Variants in S100A13 observed in about 807,000 individuals in gnomAD.
S100A13 encodes protein S100-A13.
In S100A13, 6 loss-of-function variants were observed where a neutral mutation model predicts 8.2. The observed-to-expected ratio is 0.73, with a 90% CI of 0.40 to 1.44. The LOEUF (loss-of-function observed/expected upper bound fraction) is 1.44. S100A13 is among the 40% of genes most tolerant of loss of function. The pLI is 0.02. For missense variants in S100A13, 114 were observed against 113.6 expected (o/e 1.00, Z -0.02); for synonymous variants, 39 against 45.9 (o/e 0.85, Z 0.61).
chr1:153,627,148 G>A (rs1197263105), intron 1 of S100A13: 1 of 152,318 alleles, frequency 6.6e-6, no homozygotes, highest in Non-Finnish European at 1.5e-5. Flanking sequence ...CCTCTCCTCA[G>A]CGGCAGCAGG....
At chr1:153,631,067 T>C (rs547904235), upstream of S100A13, 137 of 294,006 alleles carry the variant, frequency 4.7e-4, no homozygotes, top group African/African-American at 2.6e-3. Flanking sequence ...TGGATTTCCA[T>C]TGGAAGATTA....
At position 153,621,567 on chromosome 1, in the gene S100A13, G is replaced by A. The variant is rs187396120; in HGVS notation, c.154-2529C>T. 1.5e-3 allele frequency among the ~76,000 whole-genome samples: 231 copies of A among 151,790 alleles called. 1 individual carries two copies. Among genetic ancestry groups the A allele is most frequent in the African/African-American group, 5.3e-3 (218 of 41,468 alleles). On this transcript the variant is annotated intron_variant, in intron 2 of 2. Coordinates refer to ENST00000476133, the MANE Select transcript of S100A13 (RefSeq NM_001024211.2). Reference sequence around the variant, plus strand: ...GCGGGTGGATAACTCGAGGTCAGGCGTTCAAGACCAGCCTGGCCAACGTGA... The same window carrying A: ...GCGGGTGGATAACTCGAGGTCAGGCATTCAAGACCAGCCTGGCCAACGTGA...
At chr1:153,625,759 G>A (rs1289912442) in intron 2 of S100A13, among the ~76,000 whole-genome samples, 2 of 152,236 alleles carry the variant, frequency 1.3e-5, no homozygotes, top group Non-Finnish European at 2.9e-5. Context: ...GCATACACAA[G>A]AACCCAACAG....
intron 2 of S100A13, among the ~76,000 whole-genome samples, chr1:153,622,009 G>A (rs1667290908): frequency 6.6e-6 from 1 of 152,098 alleles, no homozygotes; most frequent in Non-Finnish European, 1.5e-5. Context: ...CACAGGCATC[G>A]CATGAAGTGT....
intron 2 of S100A13, among the ~76,000 whole-genome samples, chr1:153,621,544 G>A (rs1248752434): frequency 1.3e-5 from 2 of 151,544 alleles, no homozygotes; most frequent in Admixed American, 6.6e-5. Context: ...AGGCCAAGGC[G>A]GGTGGATAAC....
In S100A13 at chr1:153,619,058, A is replaced by G; in HGVS notation, c.154-20T>C. On this transcript the variant is annotated intron_variant, in intron 2 of 2. Coordinates refer to ENST00000476133, the MANE Select transcript of S100A13 (RefSeq NM_001024211.2). ...CACATCCTGAGGAGACACCAAAGGG[A>G]AGGGTAGAGTTAGAAACTGGGGTTC... The G allele has an allele frequency of 6.2e-7, 1 of 1,609,560 alleles. No homozygotes were observed. The highest frequency in any genetic ancestry group is 8.5e-7 in the Non-Finnish European group (1 of 1,177,344).
At chr1:153,627,722 CGTT>C, upstream of S100A13, 1 of 229,702 alleles carries the variant, frequency 4.4e-6, no homozygotes, top group Non-Finnish European at 8.6e-6. Context: ...GGACAGATCT[CGTT>C]CGGCAGGGGT....
upstream of S100A13, chr1:153,630,718 T>A (rs1571302085): frequency 6.3e-7 from 1 of 1,593,542 alleles, no homozygotes; most frequent in Non-Finnish European, 8.6e-7. Flanking sequence ...GGGAATGGGG[T>A]GGACACCCCC....
chr1:153,619,957 C>T (rs918188897), intron 2 of S100A13, among the ~76,000 whole-genome samples: 1 of 152,122 alleles, frequency 6.6e-6, no homozygotes, highest in Non-Finnish European at 1.5e-5. Context: ...ATTGGGGGTG[C>T]ATTCAATCAG....
upstream of S100A13, chr1:153,630,641 G>A (rs372134322): frequency 1.7e-5 from 27 of 1,614,100 alleles, no homozygotes; most frequent in African/African-American, 9.3e-5. Context: ...TGCTGCAGAC[G>A]GAGCTCTCTG....
chr1:153,627,787 TC>T (rs1667758571), upstream of S100A13: 1 of 428,440 alleles, frequency 2.3e-6, no homozygotes, highest in Non-Finnish European at 4.2e-6. Context: ...CATACCCATG[TC>T]TAATCAGGAG....
intron 2 of S100A13, among the ~76,000 whole-genome samples, chr1:153,619,715 T>C (rs1440157407): frequency 6.6e-6 from 1 of 152,190 alleles, no homozygotes; most frequent in African/African-American, 2.4e-5. Context: ...AGTTGACTGT[T>C]GAACAATAGT....
At chr1:153,633,503 G>C (rs1438379919), upstream of S100A13, among the ~76,000 whole-genome samples, 1 of 152,068 alleles carries the variant, frequency 6.6e-6, no homozygotes, top group Non-Finnish European at 1.5e-5. Context: ...CAGTATCTAG[G>C]CCAAGTTGGG....
upstream of S100A13, chr1:153,628,544 G>A (rs932678091): frequency 1.3e-6 from 2 of 1,548,192 alleles, no homozygotes; most frequent in East Asian, 4.9e-5. Flanking sequence ...CCAGCTTCAG[G>A]GAGAGGGGTC....
chr1:153,630,650 T>A (rs923596649), upstream of S100A13: 2 of 1,614,056 alleles, frequency 1.2e-6, no homozygotes, highest in African/African-American at 1.3e-5. Context: ...CGGAGCTCTC[T>A]GGCTTCCTGG....
At position 153,621,777 on chromosome 1, in the gene S100A13, G is replaced by A. The variant is rs187500670; in HGVS notation, c.154-2739C>T. 2.4e-3 allele frequency among the ~76,000 whole-genome samples: 356 copies of A among 151,278 alleles called. 1 individual carries two copies. Among genetic ancestry groups the A allele is most frequent in the African/African-American group, 8.2e-3 (336 of 41,218 alleles). On this transcript the variant is annotated intron_variant, in intron 2 of 2. Coordinates refer to ENST00000476133, the MANE Select transcript of S100A13 (RefSeq NM_001024211.2). ...GTGATGCACGGTTCAAGAATCGCTCGAACCCAAGAGGTGGAGGTTGCAGTG... is the reference window on the plus strand; with the variant it reads ...GTGATGCACGGTTCAAGAATCGCTCAAACCCAAGAGGTGGAGGTTGCAGTG...
At chr1:153,630,799 GT>G, upstream of S100A13, 1 of 1,206,904 alleles carries the variant, frequency 8.3e-7, no homozygotes, top group Non-Finnish European at 1.1e-6. Context: ...TCTCTCCTGG[GT>G]TTTTCCAGGC....
At chr1:153,626,075 G>A (rs1474588270) in intron 2 of S100A13, among the ~76,000 whole-genome samples, 1 of 152,166 alleles carries the variant, frequency 6.6e-6, no homozygotes, top group Admixed American at 6.5e-5. Context: ...GGCTGAGGCA[G>A]GAGAATCACT....
upstream of S100A13, among the ~76,000 whole-genome samples, chr1:153,632,586 C>G (rs933204313): frequency 6.6e-6 from 1 of 152,056 alleles, no homozygotes; most frequent in African/African-American, 2.4e-5. Flanking sequence ...AATCTTCTTT[C>G]AATCAACGAA....
Sources: gnomAD v4.1 joint callset for allele counts (sites outside exome capture counted in the v4.1 genomes callset) on GRCh38, gnomAD v4.1.1 for gene constraint, MANE v1.5 for transcripts, NCBI Gene and HGNC (gene_info 2026-07-23, HGNC 2026-07-21) for gene names.